Variants in PCDHGA4 observed in about 807,000 individuals in gnomAD.
PCDHGA4 encodes protocadherin gamma subfamily A, 4.
In PCDHGA4, 38 loss-of-function variants were observed where a neutral mutation model predicts 54.6. The observed-to-expected ratio is 0.70, with a 90% CI of 0.54 to 0.91. The LOEUF (loss-of-function observed/expected upper bound fraction) is 0.91. PCDHGA4 is among the 40% of genes least tolerant of loss of function. The pLI is 0.00. For synonymous variants in PCDHGA4, 511 were observed against 512.9 expected, an observed-to-expected ratio of 1.00 and a Z score of 0.05; for missense variants, 1,298 against 1,220.9, an observed-to-expected ratio of 1.06 and a Z score of -0.94.
chr5:141,460,126 T>TC (rs2098982804), intron 1 of PCDHGA4, among the ~76,000 whole-genome samples: 1 of 151,986 alleles, frequency 6.6e-6, no homozygotes, highest in South Asian at 2.1e-4. Context: ...ATATATGTAA[T>TC]ATATATATTC....
chr5:141,500,340 C>T (rs188966393), intron 2 of PCDHGA4, among the ~76,000 whole-genome samples: 1 of 151,950 alleles, frequency 6.6e-6, no homozygotes, highest in East Asian at 1.9e-4. Flanking sequence ...TCCAGAATAG[C>T]TGGGACTACA....
chr5:141,382,964 C>T (rs373652237), intron 1 of PCDHGA4: 3 of 1,608,120 alleles, frequency 1.9e-6, no homozygotes, highest in Non-Finnish European at 8.5e-7. Context: ...CTCCTGGGGA[C>T]CCCCTGGGAA....
chr5:141,475,213 G>C (rs1359120020), intron 1 of PCDHGA4, among the ~76,000 whole-genome samples: 2 of 152,170 alleles, frequency 1.3e-5, no homozygotes, highest in African/African-American at 4.8e-5. Context: ...GAAAAGGATT[G>C]ATCAAGTAAA....
At position 141,399,280 on chromosome 5, in the gene PCDHGA4, G is replaced by A. The variant is rs750453381; in HGVS notation, c.2514+41659G>A. ...GGAGGTTAATTGTCAATTACAAGGCGAAGTCCCTTTTAAGATTATCTCTTC... is the reference window on the plus strand; with the variant it reads ...GGAGGTTAATTGTCAATTACAAGGCAAAGTCCCTTTTAAGATTATCTCTTC... On this transcript the variant is annotated intron_variant, in intron 1 of 3. Coordinates refer to ENST00000571252, the MANE Select transcript of PCDHGA4 (RefSeq NM_018917.4). 20 of 1,613,836 alleles carry A rather than the reference G, an allele frequency of 1.2e-5. No homozygotes were observed. The highest frequency in any genetic ancestry group is 3.3e-4 in the Middle Eastern group (2 of 6,060).
chr5:141,437,223 C>G (rs555637738), intron 1 of PCDHGA4, among the ~76,000 whole-genome samples: 1 of 152,198 alleles, frequency 6.6e-6, no homozygotes, highest in Admixed American at 6.5e-5. Context: ...TGATTCCAGT[C>G]ATAAAATTAT....
chr5:141,421,446 A>G, intron 1 of PCDHGA4: 1 of 1,614,106 alleles, frequency 6.2e-7, no homozygotes, highest in Non-Finnish European at 8.5e-7. Flanking sequence ...GAGGGAAGAC[A>G]CAGCTTTTCG....
intron 1 of PCDHGA4, chr5:141,366,404 T>C (rs1404249999): frequency 6.8e-6 from 11 of 1,614,180 alleles, no homozygotes; most frequent in Non-Finnish European, 9.3e-6. Context: ...CCTCACACTC[T>C]ATCTTGTGGT....
At chr5:141,389,439 G>C (rs201120335) in intron 1 of PCDHGA4, 1 of 1,610,580 alleles carries the variant, frequency 6.2e-7, no homozygotes, top group Non-Finnish European at 8.5e-7. Flanking sequence ...GCGCGCCTTC[G>C]ACCACGAGCA....
intron 1 of PCDHGA4, among the ~76,000 whole-genome samples, chr5:141,363,610 T>C (rs561380927): frequency 6.6e-6 from 1 of 152,382 alleles, no homozygotes; most frequent in Admixed American, 6.5e-5. Context: ...CTGTCTGAGA[T>C]AGTGGAGAGA....
chr5:141,422,131 G>T (rs747294750), intron 1 of PCDHGA4: 3 of 1,598,182 alleles, frequency 1.9e-6, no homozygotes, highest in Non-Finnish European at 2.6e-6. Context: ...AACTGGAGAA[G>T]TTCAAGTACG....
In PCDHGA4 at chr5:141,393,242, C is replaced by T. The variant is rs151037104; in HGVS notation, c.2514+35621C>T. 1,015 of 1,613,778 alleles carry T rather than the reference C, an allele frequency of 6.3e-4. 8 individuals carry two copies. The African/African-American group carries it at 0.012, about 18-fold the overall frequency. ...TCGAAGATCTAGAAGTAAAAATTAA[C>T]GAAATCGCGGTTCCTGGAGCACGTT... is the stretch of plus-strand genomic sequence containing the variant. On this transcript the variant is annotated intron_variant, in intron 1 of 3. Coordinates refer to ENST00000571252, the MANE Select transcript of PCDHGA4 (RefSeq NM_018917.4).
At chr5:141,494,736 T>C in intron 1 of PCDHGA4, 71 bp from the exon 2 acceptor site, 1 of 1,611,858 alleles carries the variant, frequency 6.2e-7, no homozygotes, top group Non-Finnish European at 8.5e-7. Context: ...TCCCGGCCCA[T>C]CCCTAGGGGC....
At chr5:141,420,245 G>A (rs72790042) in intron 1 of PCDHGA4, 83,459 of 1,583,130 alleles carry the variant, frequency 0.053, 2,452 homozygotes, top group African/African-American at 0.1. Context: ...AACTCCCAGC[G>A]TTGAAGCAGA....
At chr5:141,370,324 C>T (rs1766812702) in intron 1 of PCDHGA4, 1 of 1,378,622 alleles carries the variant, frequency 7.3e-7, no homozygotes, top group African/African-American at 1.4e-5. Flanking sequence ...TGGTCCTGCT[C>T]GGAGAACTCT....
At chr5:141,422,898 C>CTCTG (rs747261683) in intron 1 of PCDHGA4, 4 of 1,614,250 alleles carry the variant, frequency 2.5e-6, no homozygotes, top group Non-Finnish European at 3.4e-6. Flanking sequence ...TGGACCAGAA[C>CTCTG]GACAATGCGC....
intron 1 of PCDHGA4, among the ~76,000 whole-genome samples, chr5:141,469,723 C>G (rs2099209474): frequency 6.6e-6 from 1 of 152,210 alleles, no homozygotes; most frequent in Non-Finnish European, 1.5e-5. Context: ...AGGAATTTAT[C>G]ATAAATACAC....
chr5:141,388,447 G>C (rs775979306), intron 1 of PCDHGA4: 2 of 1,613,802 alleles, frequency 1.2e-6, no homozygotes, highest in Non-Finnish European at 1.7e-6. Flanking sequence ...AAATCAGATG[G>C]CAGTAAATAC....
intron 2 of PCDHGA4, among the ~76,000 whole-genome samples, chr5:141,501,290 TACACAC>T (rs55762287): frequency 0.081 from 10,957 of 136,038 alleles, 480 homozygotes; most frequent in African/African-American, 0.13. Context: ...TATTCCCTTA[TACACAC>T]ACACACACAC....
At chr5:141,450,829 A>ATTAT (rs1554136902) in intron 1 of PCDHGA4, among the ~76,000 whole-genome samples, 14 of 135,142 alleles carry the variant, frequency 1.0e-4, no homozygotes, top group African/African-American at 3.3e-4. Context: ...TATTATTATT[A>ATTAT]TTTTTTTTTT....
Sources: allele counts gnomAD v4.1 joint callset (sites outside exome capture counted in the v4.1 genomes callset), GRCh38; gene constraint gnomAD v4.1.1; transcripts MANE v1.5; gene names NCBI Gene and HGNC (gene_info 2026-07-23, HGNC 2026-07-21).